The following ANKHD1 variants were observed in gnomAD, a reference collection of about 807,000 sequenced individuals.
The protein encoded by ANKHD1 is ankyrin repeat and KH domain containing 1.
ANKHD1 carries 31 observed loss-of-function variants against 230.5 expected under a neutral mutation model. That is an observed-to-expected ratio of 0.13 (90% CI 0.10 to 0.18). The LOEUF (loss-of-function observed/expected upper bound fraction) is 0.18, where lower values mean the gene tolerates loss of function less well. Among genes scored for constraint, ANKHD1 ranks in the 10% least tolerant of loss-of-function variants. ANKHD1 has a pLI of 1.00. For synonymous variants in ANKHD1, 1,074 were observed against 1,117.6 expected (o/e 0.96, Z 0.78); for missense variants, 2,256 against 3,071.3 (o/e 0.73, Z 6.27).
At chr5:140,413,285 T>C (rs1268606029) in intron 1 of ANKHD1, among the ~76,000 whole-genome samples, 2 of 152,228 alleles carry the variant, frequency 1.3e-5, no homozygotes, top group Non-Finnish European at 2.9e-5. Context: ...CATTTTTTTG[T>C]TTTTGTTTTA....
At position 140,527,809 on chromosome 5, in the gene ANKHD1, A is replaced by C; in HGVS notation, c.5088-64A>C. On this transcript the variant is annotated intron_variant, in intron 27 of 33. Transcript: ENST00000360839. This position sits in a 1 kb window ranked among gnomAD's most constrained non-coding sequence, Gnocchi z 4.5. The stretch of plus-strand genomic sequence containing the variant: ...AAAATGTCCATGAACATACTTACTA[A>C]GACATCTTTCTTAATAAAGAGACAT... 6 of 1,525,462 alleles carry C rather than the reference A, an allele frequency of 3.9e-6. No individual in the cohort carries two copies. The highest frequency in any genetic ancestry group is 5.3e-6 in the Non-Finnish European group (6 of 1,134,454). 94.5% of individuals were successfully genotyped at this position (1,525,462 alleles called of 1,614,324 possible). A position where few individuals can be genotyped will look rare whatever the true frequency, so the allele number is the denominator to read the frequency against.
At chr5:140,475,601 T>G (rs1487090017) in intron 10 of ANKHD1, among the ~76,000 whole-genome samples, 1 of 152,034 alleles carries the variant, frequency 6.6e-6, no homozygotes, top group African/African-American at 2.4e-5. Flanking sequence ...ATTAGCAAAT[T>G]GTCGTTAATG....
intron 10 of ANKHD1, chr5:140,472,552 A>G: frequency 1.1e-6 from 1 of 921,922 alleles, no homozygotes; most frequent in Non-Finnish European, 1.4e-6. Flanking sequence ...TTTCTTATTC[A>G]GGTAGTTCTT....
chr5:140,446,037 TTGAG>T, intron 6 of ANKHD1, 62 bp downstream of exon 6: 1 of 1,411,702 alleles, frequency 7.1e-7, no homozygotes, highest in South Asian at 1.8e-5. Flanking sequence ...TATTTGAGTA[TTGAG>T]TATTTGAGTT....
chr5:140,487,762 A>T (rs548288584), intron 14 of ANKHD1, among the ~76,000 whole-genome samples: 1 of 152,332 alleles, frequency 6.6e-6, no homozygotes, highest in East Asian at 1.9e-4. Flanking sequence ...GAAAATAGTT[A>T]ATATGTAGGA....
intron 15 of ANKHD1, among the ~76,000 whole-genome samples, chr5:140,497,877 C>CCACACACACACACACACACACACACA (rs36224738): frequency 6.9e-6 from 1 of 144,516 alleles, no homozygotes; most frequent in Non-Finnish European, 1.5e-5. Flanking sequence ...CCACACCACA[C>CCACACACACACACACACACACACACA]CACACACACA....
intron 5 of ANKHD1, among the ~76,000 whole-genome samples, chr5:140,445,259 A>C (rs1255732943): frequency 6.6e-6 from 1 of 151,780 alleles, no homozygotes; most frequent in Non-Finnish European, 1.5e-5. Flanking sequence ...TAATCCCAGC[A>C]CTTTGGGAGG....
intron 13 of ANKHD1, among the ~76,000 whole-genome samples, chr5:140,486,332 T>A (rs1463358166): frequency 6.6e-6 from 1 of 152,216 alleles, no homozygotes; most frequent in Admixed American, 6.5e-5. Context: ...CCCAAAGTGC[T>A]GGAATTACAG....
chr5:140,462,051 A>C (rs887737045), intron 9 of ANKHD1, among the ~76,000 whole-genome samples: 3 of 152,062 alleles, frequency 2.0e-5, no homozygotes, highest in African/African-American at 7.2e-5. Context: ...TAGGCTTCCC[A>C]GAGTATGGAT....
intron 1 of ANKHD1, among the ~76,000 whole-genome samples, chr5:140,411,789 G>T (rs1770946520): frequency 1.3e-5 from 2 of 151,670 alleles, no homozygotes; most frequent in South Asian, 4.2e-4. Context: ...CTCCCAAAGT[G>T]CTGGGATTAT....
At chr5:140,456,325 A>G (rs1581272843) in intron 7 of ANKHD1, among the ~76,000 whole-genome samples, 4 of 152,346 alleles carry the variant, frequency 2.6e-5, no homozygotes, top group African/African-American at 9.6e-5. Flanking sequence ...CCATCAAGCT[A>G]CCAATGACTT....
chr5:140,443,986 A>G (rs1774072903), intron 5 of ANKHD1, among the ~76,000 whole-genome samples: 1 of 152,044 alleles, frequency 6.6e-6, no homozygotes, highest in Non-Finnish European at 1.5e-5. Flanking sequence ...TCTTTGGAAG[A>G]CAGTTTGAAA....
In ANKHD1 at chr5:140,507,570, G is replaced by A. The variant is rs1752593695; in HGVS notation, c.3552-215G>A. On this transcript the variant is annotated intron_variant, in intron 19 of 33. Transcript: ENST00000360839. The surrounding 1 kb of genome is among the most constrained non-coding windows in gnomAD (Gnocchi z 4.1). Reference sequence around the variant, plus strand: ...GATCTGCCCTCCTTGGCCTCCCAAAGTGCTGGGATTACAGGCATGAGCCAC... The same window carrying A: ...GATCTGCCCTCCTTGGCCTCCCAAAATGCTGGGATTACAGGCATGAGCCAC... 6.6e-6 allele frequency among the ~76,000 whole-genome samples: 1 copy of A among 152,106 alleles called. No individual in the cohort carries two copies. The highest frequency in any genetic ancestry group is 2.4e-5 in the African/African-American group (1 of 41,414).
chr5:140,536,227 G>A (rs1754066461), intron 30 of ANKHD1, among the ~76,000 whole-genome samples: 1 of 152,154 alleles, frequency 6.6e-6, no homozygotes, highest in Non-Finnish European at 1.5e-5. Flanking sequence ...CCGAGCAGCT[G>A]GGATTACAGG....
intron 1 of ANKHD1, among the ~76,000 whole-genome samples, chr5:140,413,252 A>G (rs1241194324): frequency 6.6e-6 from 1 of 152,244 alleles, no homozygotes; most frequent in Non-Finnish European, 1.5e-5. Context: ...AAATATTCAT[A>G]ACATAAAATC....
intron 7 of ANKHD1, among the ~76,000 whole-genome samples, chr5:140,458,084 G>C (rs1027456804): frequency 6.6e-6 from 1 of 152,142 alleles, no homozygotes; most frequent in Non-Finnish European, 1.5e-5. Flanking sequence ...AAAAATATAG[G>C]ATGGTGTCAA....
At chr5:140,524,361 G>T (rs902028512) in intron 25 of ANKHD1, 121 bp downstream of exon 25, 56 of 1,382,914 alleles carry the variant, frequency 4.0e-5, no homozygotes, top group Admixed American at 7.5e-5. Flanking sequence ...AATCTGAAAT[G>T]GACAATGACT....
chr5:140,457,124 C>T (rs1775256653), intron 7 of ANKHD1, among the ~76,000 whole-genome samples: 1 of 152,190 alleles, frequency 6.6e-6, no homozygotes, highest in Admixed American at 6.5e-5. Context: ...CACTGGCCAT[C>T]AGAGAAATGC....
In ANKHD1 at chr5:140,528,432, ATAAACT is replaced by A. The variant is rs774323984; in HGVS notation, c.5490_5495del (p.Lys1830_Leu1831del). ...ACGTTATCTACGTTCCAGCCCGCTA[ATAAACT>A]TAATAAGAATGTTCCAACAAATGTA... On this transcript the variant is annotated inframe_deletion, in exon 29 of 34. Coordinates refer to ENST00000360839, the MANE Select transcript of ANKHD1 (RefSeq NM_017747.3). 86 of 1,614,050 alleles carry A rather than the reference ATAAACT, an allele frequency of 5.3e-5. No individual in the cohort carries two copies. The highest frequency in any genetic ancestry group is 3.3e-4 in the Middle Eastern group (2 of 6,084).
Sources: allele counts gnomAD v4.1 joint callset (sites outside exome capture counted in the v4.1 genomes callset), GRCh38; gene constraint gnomAD v4.1.1; non-coding constraint Gnocchi (gnomAD v3.1); transcripts MANE v1.5; gene names NCBI Gene and HGNC (gene_info 2026-07-23, HGNC 2026-07-21).